CMTM7: variants seen among roughly 807,000 people sequenced by gnomAD.
CMTM7 encodes CKLF like MARVEL transmembrane domain containing 7.
Under a neutral mutation model 19.3 loss-of-function variants are expected in CMTM7, and 7 were observed. That is an observed-to-expected ratio of 0.36 (90% CI 0.21 to 0.68). CMTM7 has a LOEUF of 0.68. CMTM7 is among the 30% of genes least tolerant of loss of function. CMTM7 has a pLI of 0.60. For missense variants in CMTM7, 193 were observed against 232.6 expected, an observed-to-expected ratio of 0.83 and a Z score of 1.11; for synonymous variants, 87 against 99.3, an observed-to-expected ratio of 0.88 and a Z score of 0.74.
chr3:32,417,488 G>A (rs1173626074), intron 1 of CMTM7, among the ~76,000 whole-genome samples: 1 of 152,192 alleles, frequency 6.6e-6, no homozygotes, highest in Non-Finnish European at 1.5e-5. Context: ...TCCAGATTTT[G>A]GCGATTATGA....
At chr3:32,448,684 CGAGAAGCAAAGGT>C (rs1281713828) in intron 2 of CMTM7, among the ~76,000 whole-genome samples, 4 of 150,702 alleles carry the variant, frequency 2.7e-5, no homozygotes, top group Admixed American at 6.6e-5. Flanking sequence ...TGGGCCAAGG[CGAGAAGCAAAGGT>C]GGAACCAGTC....
chr3:32,417,360 G>A (rs972546287), intron 1 of CMTM7, among the ~76,000 whole-genome samples: 2 of 152,148 alleles, frequency 1.3e-5, no homozygotes, highest in Admixed American at 1.3e-4. Flanking sequence ...TTTCACTTAG[G>A]AAAAGGGGTT....
At chr3:32,414,691 T>A (rs921669961) in intron 1 of CMTM7, among the ~76,000 whole-genome samples, 1 of 152,238 alleles carries the variant, frequency 6.6e-6, no homozygotes, top group Non-Finnish European at 1.5e-5. Flanking sequence ...AAGAATGTTA[T>A]GATATGGAGC....
chr3:32,414,586 T>C (rs681629), intron 1 of CMTM7, among the ~76,000 whole-genome samples: 63,839 of 152,004 alleles, frequency 0.42, 13,682 homozygotes, highest in South Asian at 0.48. Context: ...GGAAAAGGGA[T>C]GCTGGGGAAG....
chr3:32,400,905 C>T (rs1695992741), intron 1 of CMTM7, among the ~76,000 whole-genome samples: 1 of 152,188 alleles, frequency 6.6e-6, no homozygotes, highest in Admixed American at 6.5e-5. Flanking sequence ...TCTGTAAATA[C>T]TTCTTCAGGA....
Position 32,408,389 on chromosome 3 carries a change from A to G in CMTM7, c.159+16324A>G, listed in dbSNP as rs1696119329. Among the ~76,000 whole-genome samples, 3 of 152,338 alleles carry G rather than the reference A, an allele frequency of 2.0e-5. No homozygotes were observed. The South Asian group carries it at 6.2e-4, about 32-fold the overall frequency. ...GACATTTAATATTTTCTCCTTTTAG[A>G]GGTGCTTTGCTCATTTCTAGGAATT... is the stretch of plus-strand genomic sequence containing the variant. On this transcript the variant is annotated intron_variant, in intron 1 of 4. Transcript: ENST00000334983.
At chr3:32,412,480 GACACACAC>G (rs3081435) in intron 1 of CMTM7, among the ~76,000 whole-genome samples, 3,983 of 120,098 alleles carry the variant, frequency 0.033, 97 homozygotes, top group East Asian at 0.078. Flanking sequence ...GATTGAGACT[GACACACAC>G]ACACACACAC....
chr3:32,445,765 C>G (rs1696745665), intron 2 of CMTM7, among the ~76,000 whole-genome samples: 1 of 152,066 alleles, frequency 6.6e-6, no homozygotes, highest in African/African-American at 2.4e-5. Context: ...ATCCTCCTTC[C>G]TCGGCCTCTG....
At chr3:32,451,940 C>A (rs1195784916) in intron 3 of CMTM7, 4 of 573,096 alleles carry the variant, frequency 7.0e-6, no homozygotes, top group Admixed American at 5.1e-5. Context: ...GGCTATGAAG[C>A]CAGAATGGAA....
At chr3:32,422,522 A>G (rs973938351) in intron 1 of CMTM7, among the ~76,000 whole-genome samples, 1 of 152,262 alleles carries the variant, frequency 6.6e-6, no homozygotes, top group Non-Finnish European at 1.5e-5. Flanking sequence ...TCGTAGCCCT[A>G]ATGCCAAGCA....
chr3:32,446,455 A>T (rs572031265), intron 2 of CMTM7, among the ~76,000 whole-genome samples: 1 of 151,984 alleles, frequency 6.6e-6, no homozygotes, highest in East Asian at 1.9e-4. Flanking sequence ...GGTTTCATTG[A>T]TTTTTTTATT....
chr3:32,441,044 G>C (rs969731342), intron 1 of CMTM7, among the ~76,000 whole-genome samples: 2 of 152,206 alleles, frequency 1.3e-5, no homozygotes, highest in Non-Finnish European at 2.9e-5. Context: ...CACATGCCCT[G>C]ATGGTGAGCA....
At chr3:32,431,562 C>T (rs1696519154) in intron 1 of CMTM7, among the ~76,000 whole-genome samples, 1 of 152,170 alleles carries the variant, frequency 6.6e-6, no homozygotes, top group Admixed American at 6.5e-5. Context: ...TCTCAGTGCT[C>T]ACTCCCAGGT....
chr3:32,435,126 AG>A (rs1422583873), intron 1 of CMTM7, among the ~76,000 whole-genome samples: 1 of 152,222 alleles, frequency 6.6e-6, no homozygotes, highest in Non-Finnish European at 1.5e-5. Flanking sequence ...TACAGAGACC[AG>A]GCACGGTGGC....
At chr3:32,397,409 G>A (rs1003470218) in intron 1 of CMTM7, among the ~76,000 whole-genome samples, 1 of 152,016 alleles carries the variant, frequency 6.6e-6, no homozygotes, top group Non-Finnish European at 1.5e-5. Flanking sequence ...GGACATTTCC[G>A]TAAGTTCTGG....
In CMTM7 at chr3:32,414,741, C is replaced by T. The variant is rs557719211; in HGVS notation, c.159+22676C>T. Among the ~76,000 whole-genome samples the T allele has an allele frequency of 2.6e-5, 4 of 152,268 alleles. No homozygotes were observed. In the East Asian group the frequency reaches 7.7e-4, roughly 29 times the overall value. ...CGACAACGGAAGTGCTGCAGGGACC[C>T]AGTGAGAGTTTTACTTTTGCATTTA... On this transcript the variant is annotated intron_variant, in intron 1 of 4. Transcript: ENST00000334983.
intron 4 of CMTM7, 67 bp downstream of exon 4, chr3:32,452,540 A>G (rs1164798291): frequency 1.3e-6 from 2 of 1,507,640 alleles, no homozygotes; most frequent in Non-Finnish European, 1.8e-6. Flanking sequence ...TCTTGACTTC[A>G]GCCATAGGGA....
intron 1 of CMTM7, among the ~76,000 whole-genome samples, chr3:32,397,368 A>T (rs1695934348): frequency 6.6e-6 from 1 of 151,240 alleles, no homozygotes; most frequent in Admixed American, 6.6e-5. Context: ...CTATTCTTAA[A>T]CTAAGAATAC....
At chr3:32,432,863 C>T (rs1452146340) in intron 1 of CMTM7, among the ~76,000 whole-genome samples, 1 of 152,162 alleles carries the variant, frequency 6.6e-6, no homozygotes, top group African/African-American at 2.4e-5. Context: ...CTGTGCCATC[C>T]CCACATTGTG....
Sources: allele counts gnomAD v4.1 joint callset (sites outside exome capture counted in the v4.1 genomes callset), GRCh38; gene constraint gnomAD v4.1.1; transcripts MANE v1.5; gene names NCBI Gene and HGNC (gene_info 2026-07-23, HGNC 2026-07-21).